The following MPRIP variants were observed in gnomAD, a reference collection of about 807,000 sequenced individuals.
MPRIP encodes myosin phosphatase Rho interacting protein.
In MPRIP, 59 loss-of-function variants were observed where a neutral mutation model predicts 234.9. The ratio of observed to expected loss-of-function variants is 0.25; its 90% CI spans 0.20 to 0.31. The LOEUF is 0.31. Among genes scored for constraint, MPRIP ranks in the 10% least tolerant of loss-of-function variants. MPRIP has a pLI of 1.00. For synonymous variants in MPRIP, 1,144 were observed against 1,263.9 expected, an observed-to-expected ratio of 0.91 and a Z score of 2.01; for missense variants, 2,436 against 3,071.0, an observed-to-expected ratio of 0.79 and a Z score of 4.89.
At chr17:17,051,073 T>TG (rs1439054635) in intron 1 of MPRIP, among the ~76,000 whole-genome samples, 1 of 152,206 alleles carries the variant, frequency 6.6e-6, no homozygotes, top group Non-Finnish European at 1.5e-5. Context: ...GTAAAGCGGG[T>TG]GCCTGCCTTC....
Position 17,167,762 on chromosome 17 carries a change from G to C in MPRIP, c.6171G>C (p.Gln2057His), listed in dbSNP as rs780328162. 1 of 1,304,192 alleles carries C rather than the reference G, an allele frequency of 7.7e-7. No individual in the cohort carries two copies. The highest frequency in any genetic ancestry group is 1.2e-5 in the South Asian group (1 of 81,020). The allele number at this position is 1,304,192 out of a possible 1,614,324, so 80.8% of individuals were successfully genotyped here. A position where few individuals can be genotyped will look rare whatever the true frequency, so the allele number is the denominator to read the frequency against. ...PAPAPNWQAT[Q>H]GEADSMTGLR... ...CTGCCCCCAACTGGCAGGCCACCCA[G>C]GGAGAGGCTGACTCCATGACGGGGC... Residue 2057 changes from glutamine to histidine, a missense_variant, in exon 16 of 24, where the codon CAG becomes CAC. Physicochemically the swap from Gln to His is conservative, Grantham distance 24. Transcript: ENST00000651222. The surrounding 1 kb of genome is among the most constrained non-coding windows in gnomAD (Gnocchi z 5.9).
At chr17:17,133,120 T>C (rs1455798442) in intron 5 of MPRIP, among the ~76,000 whole-genome samples, 1 of 152,062 alleles carries the variant, frequency 6.6e-6, no homozygotes, top group East Asian at 1.9e-4. Context: ...CATGACCAAG[T>C]TTCAACTTTT....
chr17:17,167,454 G>C lies in MPRIP; in HGVS notation c.5863G>C (p.Val1955Leu). 7.7e-7 allele frequency: 1 copy of C among 1,304,238 alleles called. No individual in the cohort carries two copies. Among genetic ancestry groups the C allele is most frequent in the South Asian group, 1.2e-5 (1 of 81,030 alleles). The allele number at this position is 1,304,238 out of a possible 1,614,324, so 80.8% of individuals were successfully genotyped here. ...RGRYEEEIRC[V>L]VEQLTRTEST... ...CAGGTATGAGGAGGAGATTCGGTGT[G>C]TGGTGGAGCAGCTGACCAGGACCGA... Residue 1955 changes from valine (V) to leucine (L), a missense_variant, in exon 16 of 24, where the codon GTG (valine) becomes CTG (leucine). Val to Leu is a conservative substitution (Grantham distance 32). Transcript: ENST00000651222. This position sits in a 1 kb window ranked among gnomAD's most constrained non-coding sequence, Gnocchi z 5.9.
chr17:17,045,030 G>A (rs1266314217), intron 1 of MPRIP, among the ~76,000 whole-genome samples: 3 of 152,114 alleles, frequency 2.0e-5, no homozygotes, highest in Non-Finnish European at 2.9e-5. Context: ...CTCTGCATCC[G>A]GCCCTCCCTC....
In MPRIP at chr17:17,115,590, C is replaced by T. The variant is rs1874410823; in HGVS notation, c.268-11112C>T. Among the ~76,000 whole-genome samples the T allele has an allele frequency of 2.0e-5, 3 of 152,206 alleles. No individual in the cohort carries two copies. The South Asian group carries it at 6.2e-4, about 32-fold the overall frequency. On this transcript the variant is annotated intron_variant, in intron 3 of 23. Coordinates refer to ENST00000651222, the MANE Select transcript of MPRIP (RefSeq NM_001364716.4). Reference sequence around the variant, plus strand: ...ACAGGTCATTGTCTTTGAGGATATTCACGTGGTTATACAACCACCAACACA... The same window carrying T: ...ACAGGTCATTGTCTTTGAGGATATTTACGTGGTTATACAACCACCAACACA...
chr17:17,092,918 G>A (rs574123345), intron 3 of MPRIP, among the ~76,000 whole-genome samples: 7 of 152,318 alleles, frequency 4.6e-5, no homozygotes, highest in Non-Finnish European at 8.8e-5. Context: ...AGGAATAGAC[G>A]TGCAAGTGTG....
chr17:17,043,481 C>T (rs1251075534), intron 1 of MPRIP, among the ~76,000 whole-genome samples: 1 of 152,200 alleles, frequency 6.6e-6, no homozygotes, highest in Non-Finnish European at 1.5e-5. Flanking sequence ...TGTTCTTGAA[C>T]TTAGTTTGGC....
intron 23 of MPRIP, chr17:17,182,600 T>C (rs1241501203): frequency 6.6e-6 from 1 of 152,206 alleles, no homozygotes. Flanking sequence ...GGGAATAACG[T>C]AGGGGATTTC....
chr17:17,173,343 G>C (rs1007014214), intron 18 of MPRIP, among the ~76,000 whole-genome samples: 3 of 152,256 alleles, frequency 2.0e-5, no homozygotes, highest in African/African-American at 4.8e-5. Flanking sequence ...GCTCTACCAG[G>C]AGCCTTTATA....
At chr17:17,137,543 G>A (rs1407351107) in intron 6 of MPRIP, among the ~76,000 whole-genome samples, 1 of 149,574 alleles carries the variant, frequency 6.7e-6, no homozygotes, top group Non-Finnish European at 1.5e-5. Flanking sequence ...TGAAGGGCTT[G>A]TTGGCTGTCA....
At chr17:17,139,991 T>A (rs571012755) in intron 7 of MPRIP, among the ~76,000 whole-genome samples, 23 of 152,360 alleles carry the variant, frequency 1.5e-4, no homozygotes, top group Non-Finnish European at 2.5e-4. Flanking sequence ...GGATAGCTGG[T>A]GCAGATCCCA....
At chr17:17,090,577 G>A (rs923025758) in intron 3 of MPRIP, among the ~76,000 whole-genome samples, 6 of 152,136 alleles carry the variant, frequency 3.9e-5, no homozygotes, top group Non-Finnish European at 8.8e-5. Context: ...TGGCTGTCTT[G>A]GGGCAAAAGT....
At chr17:17,092,005 C>G (rs1369098600) in intron 3 of MPRIP, among the ~76,000 whole-genome samples, 3 of 152,212 alleles carry the variant, frequency 2.0e-5, no homozygotes, top group Non-Finnish European at 2.9e-5. Flanking sequence ...CTATGGCGAC[C>G]CACACTAGAG....
At position 17,161,333 on chromosome 17, in the gene MPRIP, G is replaced by T. The variant is rs1267158057; in HGVS notation, c.2494G>T (p.Ala832Ser). The T allele has an allele frequency of 9.5e-6, 15 of 1,585,178 alleles. No individual in the cohort carries two copies. The highest frequency in any genetic ancestry group is 1.3e-5 in the Non-Finnish European group (15 of 1,163,198). The change falls in exon 15 of 24, where the codon GCC (alanine) becomes TCC (serine). Residue 832 changes from alanine (A) to serine (S), a missense_variant. Transcript: ENST00000651222. ...LRVALGREQS[A>S]REGYVLQTEV... Reference sequence around the variant, plus strand: ...GGTGGCCCTGGGCCGGGAGCAGAGCGCCCGTGAGGGCTACGTGCTGCAGGT... The same window carrying T: ...GGTGGCCCTGGGCCGGGAGCAGAGCTCCCGTGAGGGCTACGTGCTGCAGGT...
chr17:17,092,932 T>A (rs1040242922), intron 3 of MPRIP, among the ~76,000 whole-genome samples: 1 of 152,190 alleles, frequency 6.6e-6, no homozygotes, highest in Admixed American at 6.5e-5. Flanking sequence ...AAGTGTGCAT[T>A]TACTGTTTGT....
chr17:17,135,863 G>A (rs563252409), intron 5 of MPRIP, among the ~76,000 whole-genome samples: 2 of 152,190 alleles, frequency 1.3e-5, no homozygotes, highest in African/African-American at 4.8e-5. Flanking sequence ...TAGCTTCTTA[G>A]GGGCAAAAAG....
rs529660549 is a variant in MPRIP, at chr17:17,087,746, C to A, written c.267+9670C>A. Among the ~76,000 whole-genome samples the A allele has an allele frequency of 3.3e-5, 5 of 152,312 alleles. No homozygotes were observed. In the East Asian group the frequency reaches 9.6e-4, roughly 29 times the overall value. ...GACAGGGCACATGTTGGTTGGCTGG[C>A]GAATCAGGCAGCTGTCCTCCCCAGC... On this transcript the variant is annotated intron_variant, in intron 3 of 23. Coordinates refer to ENST00000651222, the MANE Select transcript of MPRIP (RefSeq NM_001364716.4).
At chr17:17,178,095 G>A (rs1452546130) in intron 22 of MPRIP, among the ~76,000 whole-genome samples, 1 of 151,896 alleles carries the variant, frequency 6.6e-6, no homozygotes, top group African/African-American at 2.4e-5. Context: ...GCTAATTTTT[G>A]TATTTTTAGT....
intron 23 of MPRIP, among the ~76,000 whole-genome samples, chr17:17,181,194 A>G (rs998979536): frequency 6.7e-6 from 1 of 149,120 alleles, no homozygotes. Context: ...ATTTACCAGT[A>G]TTTTTTTTTT....
Sources: allele counts gnomAD v4.1 joint callset (sites outside exome capture counted in the v4.1 genomes callset), GRCh38; gene constraint gnomAD v4.1.1; non-coding constraint Gnocchi (gnomAD v3.1); transcripts MANE v1.5; gene names NCBI Gene and HGNC (gene_info 2026-07-23, HGNC 2026-07-21).